The following CALN1 variants were observed in gnomAD, a reference collection of about 807,000 sequenced individuals.
The protein encoded by CALN1 is calneuron 1.
CALN1 carries 17 observed loss-of-function variants against 30.6 expected under a neutral mutation model. The ratio of observed to expected loss-of-function variants is 0.56; its 90% confidence interval spans 0.38 to 0.83. CALN1 has a LOEUF of 0.83. Ranked by LOEUF, CALN1 falls within the 40% of genes least tolerant of loss-of-function variation. CALN1 has a pLI of 0.00. For synonymous variants in CALN1, 156 were observed against 131.4 expected (o/e 1.19, Z -1.28); for missense variants, 291 against 354.9 (o/e 0.82, Z 1.45).
intron 5 of CALN1, among the ~76,000 whole-genome samples, chr7:71,820,009 T>C (rs1053198007): frequency 2.0e-5 from 3 of 152,184 alleles, no homozygotes; most frequent in African/African-American, 7.2e-5. Context: ...TCCTCCCTTT[T>C]GGAATTCAGG....
At chr7:72,365,534 ATCC>A (rs751926601) in intron 2 of CALN1, among the ~76,000 whole-genome samples, 1 of 151,834 alleles carries the variant, frequency 6.6e-6, no homozygotes, top group Non-Finnish European at 1.5e-5. Flanking sequence ...GGCCCAAGCG[ATCC>A]TCCTACCTTA....
chr7:71,876,164 C>T (rs1269203497), intron 5 of CALN1, among the ~76,000 whole-genome samples: 1 of 151,974 alleles, frequency 6.6e-6, no homozygotes, highest in East Asian at 1.9e-4. Flanking sequence ...GAATTTGATT[C>T]CTAAAGTAAT....
At chr7:72,370,973 G>GGGAC in intron 2 of CALN1, among the ~76,000 whole-genome samples, 1 of 151,182 alleles carries the variant, frequency 6.6e-6, no homozygotes, top group East Asian at 1.9e-4. Context: ...ACTTGAACCC[G>GGGAC]GGACGTGGAG....
chr7:72,211,735 C>G (rs1163526345), intron 3 of CALN1, among the ~76,000 whole-genome samples: 1 of 152,146 alleles, frequency 6.6e-6, no homozygotes, highest in African/African-American at 2.4e-5. Flanking sequence ...TGAGTTATGG[C>G]TTATTCATCT....
intron 3 of CALN1, among the ~76,000 whole-genome samples, chr7:72,245,527 G>GT (rs965523620): frequency 1.3e-5 from 2 of 152,092 alleles, no homozygotes; most frequent in African/African-American, 4.8e-5. Flanking sequence ...GCTGAAGCAT[G>GT]AGAATCACTT....
intron 4 of CALN1, among the ~76,000 whole-genome samples, chr7:72,073,218 AAG>A (rs1253465471): frequency 6.6e-6 from 1 of 152,168 alleles, no homozygotes; most frequent in Non-Finnish European, 1.5e-5. Flanking sequence ...TAGAGACAGA[AAG>A]TGTCTATGGT....
chr7:71,873,345 A>G (rs1024926906), intron 5 of CALN1, among the ~76,000 whole-genome samples: 1 of 152,138 alleles, frequency 6.6e-6, no homozygotes, highest in African/African-American at 2.4e-5. Context: ...TGGTCTGTTC[A>G]GAGAGACTGG....
At chr7:72,402,925 T>C (rs1356637793) in intron 2 of CALN1, among the ~76,000 whole-genome samples, 1 of 152,216 alleles carries the variant, frequency 6.6e-6, no homozygotes, top group Non-Finnish European at 1.5e-5. Context: ...AAATTGTCTA[T>C]GCAAAGCTCC....
At chr7:72,086,721 G>C (rs531375988) in intron 4 of CALN1, among the ~76,000 whole-genome samples, 1 of 152,240 alleles carries the variant, frequency 6.6e-6, no homozygotes, top group South Asian at 2.1e-4. Flanking sequence ...ACACAGGCGT[G>C]AGCCACTGCA....
At chr7:72,268,181 G>A (rs1008462399) in intron 3 of CALN1, among the ~76,000 whole-genome samples, 1 of 152,154 alleles carries the variant, frequency 6.6e-6, no homozygotes, top group African/African-American at 2.4e-5. Flanking sequence ...TGACAATATT[G>A]AAACTAAAAA....
At chr7:72,168,274 G>A (rs1428355159) in intron 3 of CALN1, among the ~76,000 whole-genome samples, 1 of 151,590 alleles carries the variant, frequency 6.6e-6, no homozygotes, top group Non-Finnish European at 1.5e-5. Flanking sequence ...GAGGATCTGA[G>A]TTTGAAATAT....
chr7:72,377,108 G>A (rs972253597), intron 2 of CALN1, among the ~76,000 whole-genome samples: 44 of 152,242 alleles, frequency 2.9e-4, no homozygotes, highest in African/African-American at 1.0e-3. Flanking sequence ...AGTAAGTTTT[G>A]AAATCAGAAA....
intron 5 of CALN1, among the ~76,000 whole-genome samples, chr7:71,901,505 C>T (rs1352072273): frequency 1.3e-5 from 2 of 149,722 alleles, no homozygotes; most frequent in Admixed American, 6.7e-5. Flanking sequence ...ATCAACATTA[C>T]CTAACTTCAA....
intron 3 of CALN1, among the ~76,000 whole-genome samples, chr7:72,272,218 C>T (rs1409452437): frequency 6.6e-6 from 1 of 152,040 alleles, no homozygotes; most frequent in Non-Finnish European, 1.5e-5. Context: ...TATTCTATTC[C>T]CATACTCAAA....
intron 2 of CALN1, among the ~76,000 whole-genome samples, chr7:72,384,600 A>G (rs1805093289): frequency 6.6e-6 from 1 of 152,176 alleles, no homozygotes; most frequent in African/African-American, 2.4e-5. Flanking sequence ...ATGTGTGATC[A>G]GCTACTGCAC....
At chr7:72,385,234 TAGA>T (rs1240386409) in intron 2 of CALN1, among the ~76,000 whole-genome samples, 1 of 152,208 alleles carries the variant, frequency 6.6e-6, no homozygotes, top group African/African-American at 2.4e-5. Flanking sequence ...GGAGACAATT[TAGA>T]AGTTTCTTAC....
At chr7:72,118,801 G>A (rs1808176022) in intron 3 of CALN1, among the ~76,000 whole-genome samples, 1 of 152,162 alleles carries the variant, frequency 6.6e-6, no homozygotes, top group Non-Finnish European at 1.5e-5. Flanking sequence ...AGAAGGAAGG[G>A]ATCTCGCATT....
At chr7:71,941,853 T>C (rs1796148567) in intron 5 of CALN1, among the ~76,000 whole-genome samples, 1 of 152,088 alleles carries the variant, frequency 6.6e-6, no homozygotes, top group Non-Finnish European at 1.5e-5. Context: ...ATTAGAATGT[T>C]TGGGGATTAG....
chr7:71,821,382 C>T (rs1374076534), intron 5 of CALN1, among the ~76,000 whole-genome samples: 4 of 152,046 alleles, frequency 2.6e-5, no homozygotes, highest in East Asian at 1.9e-4. Flanking sequence ...AAGGACTCAC[C>T]GTTCCACATG....
Sources: allele counts gnomAD v4.1 joint callset (sites outside exome capture counted in the v4.1 genomes callset), GRCh38; gene constraint gnomAD v4.1.1; transcripts MANE v1.5; gene names NCBI Gene and HGNC (gene_info 2026-07-23, HGNC 2026-07-21).